The following LRP1B variants were observed in gnomAD, a reference collection of about 807,000 sequenced individuals.
The protein encoded by LRP1B is low-density lipoprotein receptor-related protein 1B.
Under a neutral mutation model 556.6 loss-of-function variants are expected in LRP1B, and 217 were observed. The ratio of observed to expected loss-of-function variants is 0.39; its 90% CI spans 0.35 to 0.44. The LOEUF (loss-of-function observed/expected upper bound fraction) is 0.44. Among genes scored for constraint, LRP1B ranks in the 20% least tolerant of loss-of-function variants. The pLI is 1.00. For synonymous variants in LRP1B, 2,047 were observed against 1,865.8 expected, an observed-to-expected ratio of 1.10 and a Z score of -2.50; for missense variants, 5,053 against 5,620.8, an observed-to-expected ratio of 0.90 and a Z score of 3.23.
At chr2:140,493,199 C>T (rs1300431555) in intron 56 of LRP1B, among the ~76,000 whole-genome samples, 1 of 152,098 alleles carries the variant, frequency 6.6e-6, no homozygotes, top group Non-Finnish European at 1.5e-5. Flanking sequence ...AATTTCTGAA[C>T]TCCAGGTTCT....
intron 43 of LRP1B, among the ~76,000 whole-genome samples, chr2:140,578,112 G>A (rs1158278845): frequency 6.6e-6 from 1 of 152,136 alleles, no homozygotes; most frequent in Non-Finnish European, 1.5e-5. Context: ...AATTACCAAT[G>A]AGCATAATAA....
chr2:142,017,689 G>A (rs915284121), intron 1 of LRP1B, among the ~76,000 whole-genome samples: 8 of 151,618 alleles, frequency 5.3e-5, no homozygotes, highest in African/African-American at 1.9e-4. Flanking sequence ...CAGCCCAAGA[G>A]TTTGAGATCA....
chr2:140,909,822 G>A (rs192950213), intron 21 of LRP1B, among the ~76,000 whole-genome samples: 1 of 150,862 alleles, frequency 6.6e-6, no homozygotes, highest in African/African-American at 2.4e-5. Flanking sequence ...CATATCTATA[G>A]AGAGCATATA....
At chr2:141,649,267 G>T (rs1345188771) in intron 2 of LRP1B, among the ~76,000 whole-genome samples, 1 of 152,178 alleles carries the variant, frequency 6.6e-6, no homozygotes, top group African/African-American at 2.4e-5. Context: ...CTGAGCGGGG[G>T]ATTTCTGAAG....
intron 90 of LRP1B, among the ~76,000 whole-genome samples, chr2:140,234,120 GGAAAC>G (rs1215158492): frequency 5.3e-5 from 8 of 151,340 alleles, no homozygotes; most frequent in Admixed American, 5.3e-4. Flanking sequence ...GTTACAACAA[GGAAAC>G]ATTATAATCT....
intron 89 of LRP1B, among the ~76,000 whole-genome samples, chr2:140,237,707 C>A (rs766606526): frequency 6.6e-6 from 1 of 150,646 alleles, no homozygotes; most frequent in African/African-American, 2.4e-5. Context: ...CTTCTCCTTG[C>A]ATATATTTCA....
intron 43 of LRP1B, among the ~76,000 whole-genome samples, chr2:140,562,452 T>G (rs1299308658): frequency 6.6e-6 from 1 of 152,158 alleles, no homozygotes; most frequent in African/African-American, 2.4e-5. Flanking sequence ...TGATTCACAA[T>G]TATCTAGAGA....
chr2:140,506,840 T>A lies in LRP1B; in HGVS notation c.8477A>T (p.His2826Leu). The change falls in exon 53 of 91, where the codon CAT (histidine) becomes CTT (leucine). Residue 2826 changes from histidine (H) to leucine (L), a missense_variant. Around this residue, in one of 5 missense-constraint regions of LRP1B, gnomAD observed 3,619 missense variants for 3,931.9 expected, o/e 0.92. Transcript: ENST00000389484. ...AGAGCCATCTCCACAGTCGTCATCA[T>A]GGTCACAAACAAATTGCTTGGGAAT... ...VCIPKQFVCDHDDDCGDGSDE... is the reference protein window; with the variant it reads ...VCIPKQFVCDLDDDCGDGSDE... 1 of 1,614,094 alleles carries A rather than the reference T, an allele frequency of 6.2e-7. No individual in the cohort carries two copies. The highest frequency in any genetic ancestry group is 8.5e-7 in the Non-Finnish European group (1 of 1,179,984).
intron 7 of LRP1B, among the ~76,000 whole-genome samples, chr2:141,103,682 G>GAAAAAA (rs1176966860): frequency 7.4e-6 from 1 of 135,306 alleles, no homozygotes. Context: ...ATACAACTGT[G>GAAAAAA]AAAAAAAAAG....
intron 41 of LRP1B, among the ~76,000 whole-genome samples, chr2:140,630,702 G>A (rs1683848018): frequency 6.6e-6 from 1 of 152,160 alleles, no homozygotes; most frequent in Non-Finnish European, 1.5e-5. Context: ...GCAGGGGAAA[G>A]GGAAAAGTAA....
At chr2:141,129,681 A>G (rs1701301301) in intron 7 of LRP1B, among the ~76,000 whole-genome samples, 1 of 152,106 alleles carries the variant, frequency 6.6e-6, no homozygotes, top group Non-Finnish European at 1.5e-5. Flanking sequence ...TTCATTTTAT[A>G]TCTAAAAAAC....
intron 86 of LRP1B, among the ~76,000 whole-genome samples, chr2:140,254,027 T>A (rs1681567260): frequency 6.6e-6 from 1 of 152,152 alleles, no homozygotes; most frequent in Non-Finnish European, 1.5e-5. Context: ...GCTACCTAAA[T>A]ATCTTATGTT....
intron 18 of LRP1B, among the ~76,000 whole-genome samples, chr2:140,972,335 A>T (rs1261425956): frequency 2.0e-5 from 3 of 152,186 alleles, no homozygotes; most frequent in African/African-American, 7.2e-5. Flanking sequence ...AAGCACGAAA[A>T]AGAGCTTCTC....
At chr2:141,978,860 G>A (rs756622570) in intron 1 of LRP1B, among the ~76,000 whole-genome samples, 1 of 151,930 alleles carries the variant, frequency 6.6e-6, no homozygotes, top group Non-Finnish European at 1.5e-5. Flanking sequence ...GCATATGTAC[G>A]TTTTGTGTAT....
chr2:141,186,512 G>C (rs149901612), intron 7 of LRP1B, among the ~76,000 whole-genome samples: 45 of 152,106 alleles, frequency 3.0e-4, no homozygotes, highest in South Asian at 1.2e-3. Flanking sequence ...TGGCAACCAG[G>C]CCTGTATTTA....
chr2:141,223,365 A>T (rs1018969104), intron 6 of LRP1B, among the ~76,000 whole-genome samples: 4 of 152,076 alleles, frequency 2.6e-5, no homozygotes, highest in African/African-American at 9.7e-5. Flanking sequence ...AATTGCAAAC[A>T]ACTGATCAAA....
intron 1 of LRP1B, among the ~76,000 whole-genome samples, chr2:141,830,091 A>G (rs1469332853): frequency 6.6e-6 from 1 of 151,924 alleles, no homozygotes; most frequent in Non-Finnish European, 1.5e-5. Flanking sequence ...AATAAAATCT[A>G]TTTTACTTAT....
At chr2:140,836,044 C>T (rs1193819148) in intron 31 of LRP1B, among the ~76,000 whole-genome samples, 1 of 152,088 alleles carries the variant, frequency 6.6e-6, no homozygotes, top group East Asian at 1.9e-4. Flanking sequence ...ATGTACATAT[C>T]ATACTTTAGC....
At chr2:140,444,963 T>C (rs1686591809) in intron 63 of LRP1B, among the ~76,000 whole-genome samples, 1 of 152,158 alleles carries the variant, frequency 6.6e-6, no homozygotes, top group African/African-American at 2.4e-5. Context: ...AGTCTTCTCA[T>C]TTTAATGAAA....
Sources: allele counts gnomAD v4.1 joint callset (sites outside exome capture counted in the v4.1 genomes callset), GRCh38; gene constraint gnomAD v4.1.1; regional missense constraint gnomAD v4.1.1; transcripts MANE v1.5; gene names NCBI Gene and HGNC (gene_info 2026-07-23, HGNC 2026-07-21).